The following CALN1 variants were observed in gnomAD, a reference collection of about 807,000 sequenced individuals.
CALN1 encodes calneuron 1.
Under a neutral mutation model 30.6 loss-of-function variants are expected in CALN1, and 17 were observed. The ratio of observed to expected loss-of-function variants is 0.56; its 90% CI spans 0.38 to 0.83. The LOEUF is 0.83. CALN1 is among the 40% of genes least tolerant of loss of function. The probability of loss-of-function intolerance (pLI) is 0.00; values close to 1 mark genes in which losing one functional copy is unlikely to be tolerated. For synonymous variants in CALN1, 156 were observed against 131.4 expected (o/e 1.19, Z -1.28); for missense variants, 291 against 354.9 (o/e 0.82, Z 1.45).
At chr7:72,463,770 A>C in the CALN1 span, among the ~76,000 whole-genome samples, 1 of 151,968 alleles carries the variant, frequency 6.6e-6, no homozygotes, top group Non-Finnish European at 1.5e-5. Flanking sequence ...TCTGTTGCCC[A>C]GTCTGGTCTC....
chr7:72,092,625 T>TAAAAAAAAAAAAAAAAAAAAAAA (rs369445548), intron 4 of CALN1, among the ~76,000 whole-genome samples: 1 of 106,280 alleles, frequency 9.4e-6, no homozygotes, highest in African/African-American at 3.7e-5. Context: ...TGTATTCTAG[T>TAAAAAAAAAAAAAAAAAAAAAAA]AAAAAAAAAA....
intron 4 of CALN1, among the ~76,000 whole-genome samples, chr7:72,083,560 G>T (rs118011720): frequency 6.6e-6 from 1 of 151,868 alleles, no homozygotes; most frequent in Admixed American, 6.6e-5. Context: ...CTTCAGCCTG[G>T]GTGGCTGAGC....
rs575241034 is a variant in CALN1 at position 72,090,292 on chromosome 7, A to T, written c.388+15859T>A. On this transcript the variant is annotated intron_variant, in intron 4 of 6. Coordinates refer to ENST00000395275, the MANE Select transcript of CALN1 (RefSeq NM_031468.4). The stretch of plus-strand genomic sequence containing the variant: ...ACTCCAGCCTGGGTGACAGAGCTCC[A>T]TCCGAAAAAGAAAGGAGAAAAGTAA... Among the ~76,000 whole-genome samples, 470 of 152,346 alleles carry T rather than the reference A, an allele frequency of 3.1e-3. 5 individuals are homozygous for T. Among genetic ancestry groups the T allele is most frequent in the African/African-American group, 0.011 (457 of 41,590 alleles).
chr7:72,212,576 T>C (rs1792492061), intron 3 of CALN1, among the ~76,000 whole-genome samples: 1 of 151,088 alleles, frequency 6.6e-6, no homozygotes, highest in Non-Finnish European at 1.5e-5. Context: ...TCCCAGTGCT[T>C]TAGGAGGCTG....
At chr7:71,938,673 T>C (rs537630462) in intron 5 of CALN1, among the ~76,000 whole-genome samples, 16 of 152,130 alleles carry the variant, frequency 1.1e-4, no homozygotes, top group African/African-American at 3.6e-4. Context: ...CAGGCACCTA[T>C]AGTCACAGCT....
intron 2 of CALN1, among the ~76,000 whole-genome samples, chr7:72,306,658 A>T (rs1799676213): frequency 6.6e-6 from 1 of 152,068 alleles, no homozygotes; most frequent in Non-Finnish European, 1.5e-5. Context: ...AAAGAAAAAT[A>T]AAAAAGAAAA....
intron 4 of CALN1, among the ~76,000 whole-genome samples, chr7:72,078,687 C>T (rs1804914607): frequency 6.6e-6 from 1 of 152,116 alleles, no homozygotes; most frequent in Non-Finnish European, 1.5e-5. Flanking sequence ...AATCTCTGCA[C>T]TTTGGGAGGT....
intron 5 of CALN1, among the ~76,000 whole-genome samples, chr7:71,908,595 C>T (rs557811679): frequency 1.3e-5 from 2 of 152,086 alleles, no homozygotes; most frequent in South Asian, 2.1e-4. Context: ...CACGGAAATG[C>T]ACCAAAAAAA....
At chr7:72,250,137 T>C (rs1164267662) in intron 3 of CALN1, among the ~76,000 whole-genome samples, 3 of 152,134 alleles carry the variant, frequency 2.0e-5, no homozygotes. Context: ...CCCAAAATTA[T>C]CTGAAAAATT....
chr7:72,208,010 A>T, intron 3 of CALN1, among the ~76,000 whole-genome samples: 1 of 152,208 alleles, frequency 6.6e-6, no homozygotes, highest in Non-Finnish European at 1.5e-5. Context: ...ATGTATTGTT[A>T]AACTCAGAAG....
intron 3 of CALN1, among the ~76,000 whole-genome samples, chr7:72,202,771 G>T (rs1167243739): frequency 1.3e-5 from 2 of 152,150 alleles, no homozygotes; most frequent in Non-Finnish European, 2.9e-5. Flanking sequence ...TATCACCTTA[G>T]TTCCACCATT....
chr7:71,846,854 G>A (rs1329928632), intron 5 of CALN1, among the ~76,000 whole-genome samples: 2 of 132,808 alleles, frequency 1.5e-5, no homozygotes, highest in Admixed American at 1.5e-4. Flanking sequence ...TATTATATAT[G>A]TATATATGTA....
At chr7:72,357,268 C>G (rs1267398631) in intron 2 of CALN1, among the ~76,000 whole-genome samples, 1 of 151,896 alleles carries the variant, frequency 6.6e-6, no homozygotes, top group African/African-American at 2.4e-5. Flanking sequence ...CTTGCTAACA[C>G]AAACCCCCCG....
At chr7:72,202,888 CAT>C (rs1009442704) in intron 3 of CALN1, among the ~76,000 whole-genome samples, 17 of 152,292 alleles carry the variant, frequency 1.1e-4, no homozygotes, top group African/African-American at 3.1e-4. Context: ...CACATGCACA[CAT>C]GTTTATTGCA....
intron 5 of CALN1, chr7:71,942,256 G>A (rs1329292792): frequency 3.5e-5 from 7 of 198,844 alleles, no homozygotes; most frequent in East Asian, 1.7e-4. Flanking sequence ...CCACGCCGCC[G>A]TCATGGACAC....
chr7:71,780,961 T>C lies in CALN1; in HGVS notation c.*6814A>G, dbSNP rs1165732451. ...GTCCTTAGAGAATAAACAAAACCTC[T>C]TGCCTGCAAGCTGTGACACATTTAA... On this transcript the variant is annotated 3_prime_UTR_variant, in exon 7 of 7. Transcript: ENST00000395275. 6.6e-6 allele frequency: 1 copy of C among 152,198 alleles called. No individual in the cohort carries two copies. Among genetic ancestry groups the C allele is most frequent in the African/African-American group, 2.4e-5 (1 of 41,450 alleles). 9.4% of individuals were successfully genotyped at this position (152,198 alleles called of 1,614,324 possible).
At chr7:72,100,738 T>C (rs1806592839) in intron 4 of CALN1, among the ~76,000 whole-genome samples, 1 of 140,680 alleles carries the variant, frequency 7.1e-6, no homozygotes, top group Non-Finnish European at 1.5e-5. Flanking sequence ...GAGAATGGCG[T>C]GAACCTGGGA....
chr7:72,003,984 C>G (rs1271651021), intron 5 of CALN1, among the ~76,000 whole-genome samples: 1 of 152,134 alleles, frequency 6.6e-6, no homozygotes, highest in Non-Finnish European at 1.5e-5. Flanking sequence ...AGGTTTAAGG[C>G]AATTCTTATC....
chr7:72,140,340 AAGGGAGGGAGGGAGGGAGGGAGGGAGGG>A (rs200997090), intron 3 of CALN1, among the ~76,000 whole-genome samples: 5 of 65,400 alleles, frequency 7.6e-5, no homozygotes, highest in East Asian at 3.4e-4. Context: ...AGAAGGAAGG[AAGGGAGGGAGGGAGGGAGGGAGGGAGGG>A]AGGGAGGGAG....
Sources: gnomAD v4.1 joint callset for allele counts (sites outside exome capture counted in the v4.1 genomes callset) on GRCh38, gnomAD v4.1.1 for gene constraint, MANE v1.5 for transcripts, NCBI Gene and HGNC (gene_info 2026-07-23, HGNC 2026-07-21) for gene names.